UBXN7: variants seen among roughly 807,000 people sequenced by gnomAD.
The protein encoded by UBXN7 is UBX domain-containing protein 7.
In UBXN7, 9 loss-of-function variants were observed where a neutral mutation model predicts 58.0. That is an observed-to-expected ratio of 0.16 (90% confidence interval 0.09 to 0.27). The LOEUF (loss-of-function observed/expected upper bound fraction) is 0.27. Among genes scored for constraint, UBXN7 ranks in the 10% least tolerant of loss-of-function variants. UBXN7 has a pLI of 1.00. For missense variants in UBXN7, 328 were observed against 599.6 expected (o/e 0.55, Z 4.73); for synonymous variants, 208 against 205.0 (o/e 1.01, Z -0.12).
At chr3:196,373,955 T>A (rs1728916561) in intron 5 of UBXN7, among the ~76,000 whole-genome samples, 1 of 152,228 alleles carries the variant, frequency 6.6e-6, no homozygotes, top group African/African-American at 2.4e-5. Flanking sequence ...GGAAGCCGCA[T>A]TTAACTGGTC....
chr3:196,411,999 T>C (rs1236710016), intron 1 of UBXN7, among the ~76,000 whole-genome samples: 1 of 151,548 alleles, frequency 6.6e-6, no homozygotes. Flanking sequence ...GAGGCTGAGG[T>C]AGGTGGATCA....
chr3:196,372,083 A>G (rs1728849691), intron 5 of UBXN7, 41 bp from the exon 6 acceptor site: 4 of 1,549,506 alleles, frequency 2.6e-6, no homozygotes, highest in Non-Finnish European at 2.6e-6. Context: ...AATAATTTCT[A>G]CTTAGTGACA....
chr3:196,400,969 ATGAC>A (rs1395212967), intron 3 of UBXN7, among the ~76,000 whole-genome samples: 1 of 151,994 alleles, frequency 6.6e-6, no homozygotes, highest in Non-Finnish European at 1.5e-5. Flanking sequence ...TAACAGCATA[ATGAC>A]TATCTGCAGT....
intron 1 of UBXN7, among the ~76,000 whole-genome samples, chr3:196,411,682 G>C (rs1360819462): frequency 2.0e-5 from 3 of 152,082 alleles, no homozygotes; most frequent in Admixed American, 6.6e-5. Context: ...GTGGTGGCAG[G>C]CGCCTGTAAT....
intron 5 of UBXN7, among the ~76,000 whole-genome samples, chr3:196,386,844 A>G (rs1729420422): frequency 6.6e-6 from 1 of 152,218 alleles, no homozygotes; most frequent in Admixed American, 6.5e-5. Flanking sequence ...CTTTCTTCAC[A>G]GAACTGGAAA....
At chr3:196,384,533 T>A (rs969214086) in intron 5 of UBXN7, among the ~76,000 whole-genome samples, 1 of 152,072 alleles carries the variant, frequency 6.6e-6, no homozygotes, top group Non-Finnish European at 1.5e-5. Context: ...CTGATGAACA[T>A]TGATGCGAAA....
At position 196,421,763 on chromosome 3, in the gene UBXN7, G is replaced by A. The variant is rs1386661879; in HGVS notation, c.73+10564C>T. ...CTGCACTCCACCCTGGCAACAAAGC[G>A]AGACTCCATCTCAAACCAAAAAAAA... On this transcript the variant is annotated intron_variant, in intron 1 of 10. Transcript: ENST00000296328. Among the ~76,000 whole-genome samples the A allele has an allele frequency of 5.3e-5, 8 of 150,660 alleles. No individual in the cohort carries two copies. The East Asian group carries it at 1.2e-3, about 22-fold the overall frequency.
rs11335716 is a variant in UBXN7 at position 196,391,978 on chromosome 3, GAAAA to G, written c.356-57_356-54del. 221 of 194,454 alleles carry G rather than the reference GAAAA, an allele frequency of 1.1e-3. 1 individual carries two copies. The highest frequency in any genetic ancestry group is 1.8e-3 in the East Asian group (16 of 8,868). The allele number at this position is 194,454 out of a possible 1,614,324, so 12.0% of individuals were successfully genotyped here. ...GTTAGCCATAATCATGAATCACACT[GAAAA>G]AAAAAAAAAAAAAAACACAAACTTC... On this transcript the variant is annotated intron_variant, in intron 4 of 10. Transcript: ENST00000296328.
intron 2 of UBXN7, among the ~76,000 whole-genome samples, chr3:196,404,039 G>A (rs569364580): frequency 6.6e-5 from 10 of 150,770 alleles, no homozygotes; most frequent in Admixed American, 2.0e-4. Context: ...CTTGAGCCCA[G>A]GAGCTGGAGA....
rs529699479 is a variant in UBXN7 at position 196,387,225 on chromosome 3, G to C, written c.468+4588C>G. On this transcript the variant is annotated intron_variant, in intron 5 of 10. Coordinates refer to ENST00000296328, the MANE Select transcript of UBXN7 (RefSeq NM_015562.2). ...TTTAATAAATGGTGCTGGGAAAACT[G>C]GCTAGCCATAGGTAGAAAGCTGAAA... is the stretch of plus-strand genomic sequence containing the variant. Among the ~76,000 whole-genome samples, 860 of 152,236 alleles carry C rather than the reference G, an allele frequency of 5.6e-3. 5 individuals carry two copies. The highest frequency in any genetic ancestry group is 0.02 in the African/African-American group (813 of 41,548).
chr3:196,393,431 A>T, intron 4 of UBXN7, 123 bp downstream of exon 4: 1 of 881,632 alleles, frequency 1.1e-6, no homozygotes, highest in Non-Finnish European at 1.7e-6. Flanking sequence ...CACATTCTGG[A>T]TCCATAATTT....
intron 5 of UBXN7, among the ~76,000 whole-genome samples, chr3:196,377,683 T>C (rs1450114123): frequency 6.6e-6 from 1 of 152,118 alleles, no homozygotes; most frequent in African/African-American, 2.4e-5. Flanking sequence ...TTTTTTTCTT[T>C]TGAGACAGGG....
intron 1 of UBXN7, among the ~76,000 whole-genome samples, chr3:196,415,469 G>C (rs1442487076): frequency 7.6e-5 from 11 of 145,616 alleles, no homozygotes; most frequent in African/African-American, 2.7e-4. Context: ...CATACTTCTT[G>C]AATGCTGGAC....
Position 196,351,454 on chromosome 3 carries a change from T to C in UBXN7, c.*5231A>G, listed in dbSNP as rs1172970453. On this transcript the variant is annotated 3_prime_UTR_variant, in exon 11 of 11. Coordinates refer to ENST00000296328, the MANE Select transcript of UBXN7 (RefSeq NM_015562.2). Reference sequence around the variant, plus strand: ...TCATCGCAGTAAGATTAAGAGCAAGTTGTTGGTCAAATGATACCTGAACAC... The same window carrying C: ...TCATCGCAGTAAGATTAAGAGCAAGCTGTTGGTCAAATGATACCTGAACAC... 6.6e-6 allele frequency: 1 copy of C among 151,700 alleles called. No homozygotes were observed. The highest frequency in any genetic ancestry group is 1.5e-5 in the Non-Finnish European group (1 of 67,984). 9.4% of individuals were successfully genotyped at this position (151,700 alleles called of 1,614,324 possible).
At chr3:196,384,075 A>G (rs1300529917) in intron 5 of UBXN7, among the ~76,000 whole-genome samples, 1 of 152,202 alleles carries the variant, frequency 6.6e-6, no homozygotes, top group Non-Finnish European at 1.5e-5. Flanking sequence ...AGAAGAAAAG[A>G]GAGAAGAATC....
intron 5 of UBXN7, among the ~76,000 whole-genome samples, chr3:196,379,065 G>A (rs1485842722): frequency 4.4e-5 from 5 of 113,178 alleles, no homozygotes; most frequent in Non-Finnish European, 7.1e-5. Context: ...TTCCATGTTG[G>A]TTTTGGGGGG....
intron 1 of UBXN7, among the ~76,000 whole-genome samples, chr3:196,414,264 C>T (rs940521311): frequency 3.3e-5 from 5 of 152,186 alleles, no homozygotes; most frequent in Non-Finnish European, 4.4e-5. Context: ...AGATTATTTA[C>T]AGGCATACGC....
intron 1 of UBXN7, among the ~76,000 whole-genome samples, chr3:196,422,637 C>T (rs1028257267): frequency 6.6e-6 from 1 of 152,136 alleles, no homozygotes; most frequent in Non-Finnish European, 1.5e-5. Flanking sequence ...AATCCTCCCG[C>T]ATCAGCCTCT....
At chr3:196,390,792 G>C (rs1457778993) in intron 5 of UBXN7, among the ~76,000 whole-genome samples, 1 of 150,484 alleles carries the variant, frequency 6.6e-6, no homozygotes, top group African/African-American at 2.4e-5. Flanking sequence ...AAATGCTATT[G>C]TAATTCAAAA....
Sources: gnomAD v4.1 joint callset for allele counts (sites outside exome capture counted in the v4.1 genomes callset) on GRCh38, gnomAD v4.1.1 for gene constraint, MANE v1.5 for transcripts, NCBI Gene and HGNC (gene_info 2026-07-23, HGNC 2026-07-21) for gene names.